The following POGLUT3 variants were observed in gnomAD, a reference collection of about 807,000 sequenced individuals.
POGLUT3 encodes the protein KDEL (Lys-Asp-Glu-Leu) containing 2.
POGLUT3 carries 48 observed loss-of-function variants against 54.3 expected under a neutral mutation model. The observed-to-expected ratio is 0.88, with a 90% CI of 0.70 to 1.12. The LOEUF (loss-of-function observed/expected upper bound fraction) is 1.12, where lower values mean the gene tolerates loss of function less well. Among genes scored for constraint, POGLUT3 ranks in the 50% most tolerant of loss-of-function variants. The probability of loss-of-function intolerance (pLI) is 0.00; values close to 1 mark genes in which losing one functional copy is unlikely to be tolerated. For synonymous variants in POGLUT3, 218 were observed against 237.4 expected (o/e 0.92, Z 0.75); for missense variants, 629 against 618.7 (o/e 1.02, Z -0.18).
At chr11:108,478,817 G>A (rs998907726) in intron 6 of POGLUT3, among the ~76,000 whole-genome samples, 2 of 152,208 alleles carry the variant, frequency 1.3e-5, no homozygotes, top group East Asian at 1.9e-4. Context: ...ATAATAAAAC[G>A]CAACAGCTTT....
At chr11:108,485,419 G>A (rs2093601073) in intron 3 of POGLUT3, among the ~76,000 whole-genome samples, 1 of 152,028 alleles carries the variant, frequency 6.6e-6, no homozygotes, top group Non-Finnish European at 1.5e-5. Context: ...TTGAGCCCAA[G>A]AATTTGAGAC....
At chr11:108,483,087 A>G (rs1322396658) in intron 3 of POGLUT3, among the ~76,000 whole-genome samples, 1 of 152,200 alleles carries the variant, frequency 6.6e-6, no homozygotes, top group Non-Finnish European at 1.5e-5. Context: ...GGCTGCTCAG[A>G]TTTCCAAAAC....
rs367899085 is a variant in POGLUT3, at chr11:108,475,463, G to GTTTTTTTTTT, written c.1399-512_1399-511insAAAAAAAAAA. On this transcript the variant is annotated intron_variant, in intron 7 of 7. Transcript: ENST00000323468. ...TATTTCTATAAATGGAGTTTTTTTT[G>GTTTTTTTTTT]TTTTTGTTTTTTTTTTTTTTTGAGA... is the stretch of plus-strand genomic sequence containing the variant. Among the ~76,000 whole-genome samples, 97 of 109,976 alleles carry GTTTTTTTTTT rather than the reference G, an allele frequency of 8.8e-4. 14 individuals are homozygous for GTTTTTTTTTT. Among genetic ancestry groups the GTTTTTTTTTT allele is most frequent in the Middle Eastern group, 0.011 (2 of 176 alleles). The allele number at this position is 109,976 out of a possible 152,430, so 72.1% of individuals were successfully genotyped here.
intron 7 of POGLUT3, among the ~76,000 whole-genome samples, chr11:108,475,329 C>G (rs11212660): frequency 2.0e-5 from 3 of 152,162 alleles, no homozygotes; most frequent in Non-Finnish European, 4.4e-5. Context: ...AGATAACCAT[C>G]TGAAAAGTTG....
At chr11:108,496,325 A>G (rs1050564976) in intron 1 of POGLUT3, among the ~76,000 whole-genome samples, 8 of 152,010 alleles carry the variant, frequency 5.3e-5, no homozygotes, top group Non-Finnish European at 1.2e-4. Flanking sequence ...CTTAAAAAAA[A>G]AAAAGGAGGA....
intron 5 of POGLUT3, 72 bp downstream of exon 5, chr11:108,481,108 C>T: frequency 8.3e-7 from 1 of 1,211,150 alleles, no homozygotes; most frequent in Admixed American, 2.4e-5. Context: ...TTTGCTGAAG[C>T]CCACCTATTT....
chr11:108,476,132 G>T (rs1336848429), intron 7 of POGLUT3, among the ~76,000 whole-genome samples: 1 of 152,062 alleles, frequency 6.6e-6, no homozygotes, highest in Non-Finnish European at 1.5e-5. Context: ...AGGTGACCGA[G>T]TAAGAAATAT....
intron 6 of POGLUT3, chr11:108,478,134 T>C: frequency 3.3e-5 from 5 of 153,028 alleles, no homozygotes; most frequent in Non-Finnish European, 7.2e-5. Flanking sequence ...GGCGACAGAG[T>C]GAAACTCTGT....
chr11:108,484,276 CA>C (rs1430491311), intron 3 of POGLUT3, among the ~76,000 whole-genome samples: 1 of 152,148 alleles, frequency 6.6e-6, no homozygotes, highest in Non-Finnish European at 1.5e-5. Flanking sequence ...ATACAGGGCA[CA>C]GTTGACTAGT....
At chr11:108,483,409 T>C (rs897599518) in intron 3 of POGLUT3, among the ~76,000 whole-genome samples, 17 of 152,200 alleles carry the variant, frequency 1.1e-4, no homozygotes, top group African/African-American at 3.9e-4. Context: ...CTTCTATGAC[T>C]CACCCTCCTC....
At chr11:108,486,794 T>C (rs2093604273) in intron 2 of POGLUT3, 1 of 201,180 alleles carries the variant, frequency 5.0e-6, no homozygotes, top group African/African-American at 2.3e-5. Context: ...AAACCAAAAA[T>C]AAAATTCTAA....
intron 6 of POGLUT3, chr11:108,478,178 T>TAATA (rs962313183): frequency 1.1e-4 from 16 of 150,068 alleles, no homozygotes; most frequent in Middle Eastern, 6.9e-3. Flanking sequence ...ATAAATAAAC[T>TAATA]AATAAATAAA....
intron 5 of POGLUT3, among the ~76,000 whole-genome samples, chr11:108,479,981 C>T (rs2093589513): frequency 6.6e-6 from 1 of 151,950 alleles, no homozygotes; most frequent in African/African-American, 2.4e-5. Flanking sequence ...TTACAGGCAC[C>T]CACCACTGCA....
chr11:108,492,406 G>A (rs1464186346), intron 1 of POGLUT3, among the ~76,000 whole-genome samples: 1 of 152,176 alleles, frequency 6.6e-6, no homozygotes, highest in African/African-American at 2.4e-5. Context: ...TGCTAAAAAA[G>A]TAATGAATCC....
In POGLUT3 at chr11:108,478,724, C is replaced by T. The variant is rs532863591; in HGVS notation, c.1293+577G>A. On this transcript the variant is annotated intron_variant, in intron 6 of 7. Coordinates refer to ENST00000323468, the MANE Select transcript of POGLUT3 (RefSeq NM_153705.5). ...CACAAAAGTGATTCTGCCTCAGGCG[C>T]CCAATTATTTCTATAACCATATATT... is the stretch of plus-strand genomic sequence containing the variant. 3.9e-5 allele frequency among the ~76,000 whole-genome samples: 6 copies of T among 152,292 alleles called. No homozygotes were observed. The East Asian group carries it at 1.2e-3, about 29-fold the overall frequency.
chr11:108,473,714 C>A lies in POGLUT3; in HGVS notation c.*1113G>T, dbSNP rs140322747. 180 of 152,302 alleles carry A rather than the reference C, an allele frequency of 1.2e-3. No homozygotes were observed. The highest frequency in any genetic ancestry group is 4.0e-3 in the African/African-American group (166 of 41,570). The allele number at this position is 152,302 out of a possible 1,614,324, so 9.4% of individuals were successfully genotyped here. A position where few individuals can be genotyped will look rare whatever the true frequency, so the allele number is the denominator to read the frequency against. On this transcript the variant is annotated 3_prime_UTR_variant, in exon 8 of 8. Coordinates refer to ENST00000323468, the MANE Select transcript of POGLUT3 (RefSeq NM_153705.5). The stretch of plus-strand genomic sequence containing the variant: ...ATAATGAATGCCTTTCACCTGACTA[C>A]AGTTATCTTTCACCTATTCAATATA...
intron 1 of POGLUT3, among the ~76,000 whole-genome samples, chr11:108,496,954 C>T (rs894353217): frequency 1.3e-5 from 2 of 152,220 alleles, no homozygotes; most frequent in Admixed American, 1.3e-4. Flanking sequence ...CATGCCATGG[C>T]GTCCTTCTAT....
chr11:108,490,746 C>T (rs544332965), intron 2 of POGLUT3, among the ~76,000 whole-genome samples: 8 of 152,038 alleles, frequency 5.3e-5, no homozygotes, highest in Non-Finnish European at 8.8e-5. Context: ...TGAAGAGTTT[C>T]GCAAATAGTA....
chr11:108,481,380 C>A lies in POGLUT3; in HGVS notation c.902-4G>T. The A allele has an allele frequency of 6.4e-7, 1 of 1,559,090 alleles. No individual in the cohort carries two copies. The highest frequency in any genetic ancestry group is 2.3e-5 in the East Asian group (1 of 43,602). On this transcript the variant is annotated splice_polypyrimidine_tract_variant and splice_region_variant and intron_variant, in intron 4 of 7. Transcript: ENST00000323468. The stretch of plus-strand genomic sequence containing the variant: ...GTTTTATTGATCCAGGAAGGCCCTA[C>A]AAGTTTGAAGCCATAAAAAAATTAG...
Sources: allele counts gnomAD v4.1 joint callset (sites outside exome capture counted in the v4.1 genomes callset), GRCh38; gene constraint gnomAD v4.1.1; transcripts MANE v1.5; gene names NCBI Gene and HGNC (gene_info 2026-07-23, HGNC 2026-07-21).